Variants in POU2F3 observed in about 807,000 individuals in gnomAD.
POU2F3 encodes the protein POU class 2 homeobox 3.
In POU2F3, 23 loss-of-function variants were observed where a neutral mutation model predicts 59.2. That is an observed-to-expected ratio of 0.39 (90% CI 0.28 to 0.55). POU2F3 has a LOEUF of 0.55. Among genes scored for constraint, POU2F3 ranks in the 20% least tolerant of loss-of-function variants. The pLI is 0.66. For synonymous variants in POU2F3, 190 were observed against 214.6 expected, an observed-to-expected ratio of 0.89 and a Z score of 1.00; for missense variants, 473 against 544.5, an observed-to-expected ratio of 0.87 and a Z score of 1.31.
chr11:120,317,795 C>T (rs1941827741), intron 12 of POU2F3, among the ~76,000 whole-genome samples: 1 of 152,210 alleles, frequency 6.6e-6, no homozygotes, highest in African/African-American at 2.4e-5. Flanking sequence ...CAATTCCTGT[C>T]TCCCACTCCC....
At chr11:120,261,694 C>T (rs1939610273) in intron 2 of POU2F3, among the ~76,000 whole-genome samples, 1 of 152,192 alleles carries the variant, frequency 6.6e-6, no homozygotes, top group Non-Finnish European at 1.5e-5. Flanking sequence ...TTTGGTCCTC[C>T]CTGTGCCTCT....
chr11:120,251,025 T>C (rs1172510896), intron 2 of POU2F3, among the ~76,000 whole-genome samples: 1 of 151,838 alleles, frequency 6.6e-6, no homozygotes, highest in Non-Finnish European at 1.5e-5. Context: ...TAGAGTGTGG[T>C]AGGGTGATCA....
intron 1 of POU2F3, among the ~76,000 whole-genome samples, chr11:120,245,694 A>C (rs2135126005): frequency 6.6e-6 from 1 of 152,228 alleles, no homozygotes; most frequent in East Asian, 1.9e-4. Context: ...AATTTATTGA[A>C]ATGAAGCAGG....
chr11:120,288,134 A>AAAAAAAAC (rs1555076887), intron 3 of POU2F3, among the ~76,000 whole-genome samples: 2 of 147,768 alleles, frequency 1.4e-5, no homozygotes, highest in Non-Finnish European at 1.5e-5. Context: ...AAACCAAAAA[A>AAAAAAAAC]AAAAAAAAAA....
upstream of POU2F3, among the ~76,000 whole-genome samples, chr11:120,239,656 C>T (rs1352028561): frequency 6.6e-6 from 1 of 152,210 alleles, no homozygotes; most frequent in East Asian, 1.9e-4. Flanking sequence ...CAATAGGGAA[C>T]CCGATTAGCA....
At chr11:120,311,076 T>C (rs1194023906) in intron 10 of POU2F3, among the ~76,000 whole-genome samples, 1 of 151,922 alleles carries the variant, frequency 6.6e-6, no homozygotes, top group Non-Finnish European at 1.5e-5. Context: ...ACAAGGGCTG[T>C]GGAATGGGGC....
At chr11:120,274,613 G>C (rs1940246752) in intron 3 of POU2F3, among the ~76,000 whole-genome samples, 1 of 152,184 alleles carries the variant, frequency 6.6e-6, no homozygotes, top group African/African-American at 2.4e-5. Flanking sequence ...AGGAGAAGGA[G>C]GGGCAGAGAA....
chr11:120,293,197 T>C (rs1018208814), intron 3 of POU2F3, among the ~76,000 whole-genome samples: 1 of 152,122 alleles, frequency 6.6e-6, no homozygotes, highest in Non-Finnish European at 1.5e-5. Context: ...GGCTGCTATA[T>C]AGTAGGTTTG....
intron 10 of POU2F3, among the ~76,000 whole-genome samples, chr11:120,311,870 A>G (rs1325783688): frequency 2.6e-5 from 4 of 152,160 alleles, no homozygotes; most frequent in East Asian, 1.9e-4. Context: ...AAGGAAGAGT[A>G]TCAGGAAAGA....
upstream of POU2F3, chr11:120,236,783 A>C (rs770296655): frequency 7.4e-7 from 1 of 1,356,722 alleles, no homozygotes; most frequent in East Asian, 2.5e-5. Context: ...GAGAGAAGGA[A>C]TAAAGATTGC....
At chr11:120,257,015 A>G (rs910069325) in intron 2 of POU2F3, 1 of 152,354 alleles carries the variant, frequency 6.6e-6, no homozygotes, top group Admixed American at 6.5e-5. Flanking sequence ...GGATAATAAG[A>G]ACACCCACTC....
At chr11:120,289,569 C>T (rs1452732081) in intron 3 of POU2F3, among the ~76,000 whole-genome samples, 1 of 152,172 alleles carries the variant, frequency 6.6e-6, no homozygotes, top group Non-Finnish European at 1.5e-5. Context: ...CCTCTCCCTC[C>T]CCTACAGCAG....
chr11:120,275,185 AAAG>A (rs1940268500), intron 3 of POU2F3, among the ~76,000 whole-genome samples: 1 of 152,172 alleles, frequency 6.6e-6, no homozygotes, highest in Admixed American at 6.6e-5. Context: ...GGCAGTGTGA[AAAG>A]AAGGCTTTTG....
chr11:120,278,295 G>A (rs12271393), intron 3 of POU2F3, among the ~76,000 whole-genome samples: 40,787 of 152,038 alleles, frequency 0.27, 6,432 homozygotes, highest in African/African-American at 0.42. Context: ...GATGTCTAGA[G>A]TACCTGCCCT....
chr11:120,241,144 C>A (rs2253006), intron 1 of POU2F3, among the ~76,000 whole-genome samples: 2 of 152,188 alleles, frequency 1.3e-5, no homozygotes, highest in African/African-American at 4.8e-5. Context: ...TTGGGGCTTC[C>A]TGTTAGGGTG....
chr11:120,302,486 A>AGT, intron 6 of POU2F3, 118 bp downstream of exon 6: 1 of 909,136 alleles, frequency 1.1e-6, no homozygotes, highest in Non-Finnish European at 1.7e-6. Flanking sequence ...GAGAGGGGAT[A>AGT]GCAGGGAACT....
chr11:120,274,091 G>GAAAAA (rs1940204715), intron 3 of POU2F3, among the ~76,000 whole-genome samples: 2 of 88,844 alleles, frequency 2.3e-5, no homozygotes, highest in African/African-American at 9.8e-5. Context: ...GAGAAAGAAA[G>GAAAAA]GAAGGAAGGA....
intron 1 of POU2F3, 81 bp downstream of exon 1, chr11:120,240,452 G>C: frequency 7.8e-7 from 1 of 1,278,412 alleles, no homozygotes; most frequent in South Asian, 3.1e-5. Context: ...GTTCTGGTTA[G>C]GGAGGGGGGC....
At position 120,294,354 on chromosome 11, in the gene POU2F3, G is replaced by A. The variant is rs555825618; in HGVS notation, c.133-3911G>A. Among the ~76,000 whole-genome samples the A allele has an allele frequency of 9.9e-5, 15 of 152,278 alleles. No homozygotes were observed. In the East Asian group the frequency reaches 1.5e-3, roughly 16 times the overall value. ...GACCCACGTCTCCAGGGATGCGTCC[G>A]TCCCAAGTAAAGTCTGGAGAAACAC... On this transcript the variant is annotated intron_variant, in intron 3 of 12. Coordinates refer to ENST00000543440, the MANE Select transcript of POU2F3 (RefSeq NM_014352.4).
Sources: allele counts gnomAD v4.1 joint callset (sites outside exome capture counted in the v4.1 genomes callset), GRCh38; gene constraint gnomAD v4.1.1; transcripts MANE v1.5; gene names NCBI Gene and HGNC (gene_info 2026-07-23, HGNC 2026-07-21).